The following UBTF variants were observed in gnomAD, a reference collection of about 807,000 sequenced individuals.
UBTF encodes nucleolar transcription factor 1.
Under a neutral mutation model 112.3 loss-of-function variants are expected in UBTF, and 8 were observed. The observed-to-expected ratio is 0.07, with a 90% CI of 0.04 to 0.13. The LOEUF is 0.13. UBTF is among the 10% of genes least tolerant of loss of function. The pLI is 1.00. For synonymous variants in UBTF, 417 were observed against 373.1 expected, an observed-to-expected ratio of 1.12 and a Z score of -1.36; for missense variants, 457 against 982.1, an observed-to-expected ratio of 0.47 and a Z score of 7.15.
At chr17:44,213,475 T>C (rs780282174) in intron 5 of UBTF, 193 bp from the exon 6 acceptor site, 1 of 570,000 alleles carries the variant, frequency 1.8e-6, no homozygotes, top group Non-Finnish European at 3.1e-6. Context: ...CCACAGATGG[T>C]GGGAGCTGCA....
In UBTF at chr17:44,207,848, C is replaced by A; in HGVS notation, c.1953+16G>T. Reference sequence around the variant, plus strand: ...CCCCCACCCCTACCCCACTGCTGCTCTGCTCCCAGACTCACATTGGAGATG... The same window carrying A: ...CCCCCACCCCTACCCCACTGCTGCTATGCTCCCAGACTCACATTGGAGATG... On this transcript the variant is annotated intron_variant, in intron 18 of 20. Transcript: ENST00000436088. 6.2e-7 allele frequency: 1 copy of A among 1,614,150 alleles called. No individual in the cohort carries two copies.
chr17:44,215,884 GCTC>G lies in UBTF; in HGVS notation c.318+19_318+21del, dbSNP rs1399700500. The stretch of plus-strand genomic sequence containing the variant: ...GGACCTTTCCTCCCATACCCCTCAT[GCTC>G]CTCCTCCTAGTAACTCACCTTGAGT... On this transcript the variant is annotated intron_variant, in intron 4 of 20. Coordinates refer to ENST00000436088, the MANE Select transcript of UBTF (RefSeq NM_014233.4). The G allele has an allele frequency of 6.2e-7, 1 of 1,613,812 alleles. No homozygotes were observed. The highest frequency in any genetic ancestry group is 1.7e-5 in the Admixed American group (1 of 60,020).
At position 44,216,270 on chromosome 17, in the gene UBTF, G is replaced by A. The variant is rs141223007; in HGVS notation, c.234+259C>T. On this transcript the variant is annotated intron_variant, in intron 3 of 20. Transcript: ENST00000436088. Reference sequence around the variant, plus strand: ...CATGCTAACACCTCCGTCAATCTCAGCATGCTAGCACCTCCGTCAATCTCA... The same window carrying A: ...CATGCTAACACCTCCGTCAATCTCAACATGCTAGCACCTCCGTCAATCTCA... 33 of 605,062 alleles carry A rather than the reference G, an allele frequency of 5.5e-5. No individual in the cohort carries two copies. In the African/African-American group the frequency reaches 5.8e-4, roughly 11 times the overall value. 37.5% of individuals were successfully genotyped at this position (605,062 alleles called of 1,614,324 possible).
chr17:44,210,001 A>T, intron 15 of UBTF, 123 bp downstream of exon 15: 1 of 1,050,202 alleles, frequency 9.5e-7, no homozygotes, highest in Non-Finnish European at 1.4e-6. Context: ...AGAGGTTCAG[A>T]GAAGGAAGCT....
chr17:44,208,382 G>T (rs1457958165), intron 17 of UBTF, among the ~76,000 whole-genome samples: 2 of 152,214 alleles, frequency 1.3e-5, no homozygotes, highest in Non-Finnish European at 1.5e-5. Flanking sequence ...TAGGATTACA[G>T]GCGTGAGCCA....
chr17:44,207,037 G>T lies in UBTF; in HGVS notation c.*205C>A. On this transcript the variant is annotated 3_prime_UTR_variant, in exon 21 of 21. Transcript: ENST00000436088. ...CTGTCCCTGGAGGAGGACCCCCAAG[G>T]GCTGATGTCTCTGAGGCTGCAGAGT... The T allele has an allele frequency of 1.6e-6, 1 of 616,166 alleles. No individual in the cohort carries two copies. The highest frequency in any genetic ancestry group is 2.8e-6 in the Non-Finnish European group (1 of 356,198). 38.2% of individuals were successfully genotyped at this position (616,166 alleles called of 1,614,324 possible).
rs1299688694 is a variant in UBTF at position 44,211,374 on chromosome 17, C to T, written c.1048-43G>A. ...GTCAGGATCAGTCTGGAGACAGTGT[C>T]ACCACAGACCCTGCAGTACTCGGAG... On this transcript the variant is annotated intron_variant, in intron 10 of 20. Coordinates refer to ENST00000436088, the MANE Select transcript of UBTF (RefSeq NM_014233.4). This position sits in a 1 kb window ranked among gnomAD's most constrained non-coding sequence, Gnocchi z 4.9. 1 of 1,611,842 alleles carries T rather than the reference C, an allele frequency of 6.2e-7. No homozygotes were observed. The highest frequency in any genetic ancestry group is 8.5e-7 in the Non-Finnish European group (1 of 1,178,832).
At chr17:44,208,092 A>AT (rs57107684) in intron 17 of UBTF, among the ~76,000 whole-genome samples, 181 bp from the exon 18 acceptor site, 1,894 of 117,870 alleles carry the variant, frequency 0.016, 97 homozygotes, top group Non-Finnish European at 0.026. Context: ...CACAGCTCTA[A>AT]TTTTTTTTTT....
intron 17 of UBTF, chr17:44,209,095 G>GAT: frequency 7.0e-6 from 2 of 286,984 alleles, no homozygotes; most frequent in South Asian, 7.0e-5. Flanking sequence ...CTTGAACCTG[G>GAT]GAGGTGGAGG....
chr17:44,218,785 C>T (rs1170066321), intron 1 of UBTF, among the ~76,000 whole-genome samples: 1 of 150,318 alleles, frequency 6.7e-6, no homozygotes, highest in African/African-American at 2.4e-5. Context: ...CCGGCGGGGA[C>T]CCGGACGCAG....
In UBTF at chr17:44,212,358, G is replaced by T; in HGVS notation, c.757C>A (p.Arg253=). Reference sequence around the variant, plus strand: ...GGAAGCCTAACCTCGTACTCCTTCCGCTGCTCCAGGGCCTTATGAATCCAT... The same window carrying T: ...GGAAGCCTAACCTCGTACTCCTTCCTCTGCTCCAGGGCCTTATGAATCCAT... ...LKWIHKALEQ[R]KEYEEIMRDY... The change falls in exon 8 of 21, where the codon CGG becomes AGG. Residue 253 remains arginine, a synonymous_variant. Transcript: ENST00000436088. 1 of 1,613,048 alleles carries T rather than the reference G, an allele frequency of 6.2e-7. No individual in the cohort carries two copies. Among genetic ancestry groups the T allele is most frequent in the Non-Finnish European group, 8.5e-7 (1 of 1,179,816 alleles).
In UBTF at chr17:44,207,100, ATT is replaced by A. The variant is rs374363130; in HGVS notation, c.*140_*141del. On this transcript the variant is annotated 3_prime_UTR_variant, in exon 21 of 21. Transcript: ENST00000436088. Reference sequence around the variant, plus strand: ...TCCTCCAGCCCCCTACCCCCACCGTATTTTTTTTTTTTTTTAAAGAAAGAAAG... The same window carrying A: ...TCCTCCAGCCCCCTACCCCCACCGTATTTTTTTTTTTTTAAAGAAAGAAAG... 5,389 of 786,330 alleles carry A rather than the reference ATT, an allele frequency of 6.9e-3. No homozygotes were observed. Among genetic ancestry groups the A allele is most frequent in the Middle Eastern group, 8.0e-3 (21 of 2,616 alleles). The allele number at this position is 786,330 out of a possible 1,614,324, so 48.7% of individuals were successfully genotyped here.
chr17:44,216,753 C>T lies in UBTF; in HGVS notation c.59-49G>A, dbSNP rs780094682. 5.2e-5 allele frequency: 83 copies of T among 1,588,082 alleles called. 1 individual carries two copies. The highest frequency in any genetic ancestry group is 1.7e-5 in the Admixed American group (1 of 59,934). ...TCATGCCTGGCTCATGCTATCCCCC[C>T]GATCTGTTCCCCAGTTCTTGAGTGC... is the stretch of plus-strand genomic sequence containing the variant. On this transcript the variant is annotated intron_variant, in intron 2 of 20. Transcript: ENST00000436088.
In UBTF at chr17:44,215,821, G is replaced by T. The variant is rs765119139; in HGVS notation, c.319-12C>A. 6.2e-7 allele frequency: 1 copy of T among 1,614,076 alleles called. No homozygotes were observed. Among genetic ancestry groups the T allele is most frequent in the East Asian group, 2.2e-5 (1 of 44,882 alleles). ...AAGTCTGGGTGTTTCTGGAAGAAGG[G>T]ACAAGGACACAATGGAGGTCAAATA... On this transcript the variant is annotated splice_polypyrimidine_tract_variant and intron_variant, in intron 4 of 20. Transcript: ENST00000436088.
Position 44,212,138 on chromosome 17 carries a change from G to A in UBTF, c.772-132C>T, listed in dbSNP as rs554232937. 13 of 813,342 alleles carry A rather than the reference G, an allele frequency of 1.6e-5. No individual in the cohort carries two copies. In the East Asian group the frequency reaches 2.2e-4, roughly 14 times the overall value. 50.4% of individuals were successfully genotyped at this position (813,342 alleles called of 1,614,324 possible). On this transcript the variant is annotated intron_variant, in intron 8 of 20. Transcript: ENST00000436088. The stretch of plus-strand genomic sequence containing the variant: ...TGGCTGCGCGTCAGTGGTGTCACAC[G>A]AGACGTGGTGCCCTGCCCTGCCCTA...
chr17:44,220,900 G>GCGCTCCGCCCGCCC (rs976923274), upstream of UBTF: 4 of 150,596 alleles, frequency 2.7e-5, no homozygotes, highest in South Asian at 1.8e-4. Flanking sequence ...CCCACGCGCC[G>GCGCTCCGCCCGCCC]CGCTCCGCCC....
Position 44,218,207 on chromosome 17 carries a change from G to A in UBTF, c.23C>T (p.Pro8Leu), listed in dbSNP as rs143174266. ...GGGGGCGGCCATTTCCAGGTCTGTG[G>A]GGCAGTCGGCTTCTCCGTTCATCCT... Reference protein sequence around the residue: MNGEADCPTDLEMAAPKG... With the variant: MNGEADCLTDLEMAAPKG... Residue 8 changes from proline to leucine, a missense_variant, in exon 2 of 21, where the codon CCC becomes CTC. Around this residue, in one of 7 missense-constraint regions of UBTF, gnomAD observed 20 missense variants for 29.1 expected, o/e 0.69. Coordinates refer to ENST00000436088, the MANE Select transcript of UBTF (RefSeq NM_014233.4). 6.2e-6 allele frequency: 10 copies of A among 1,612,272 alleles called. No homozygotes were observed. Among genetic ancestry groups the A allele is most frequent in the African/African-American group, 1.3e-5 (1 of 74,808 alleles).
chr17:44,215,705 G>A lies in UBTF; in HGVS notation c.423C>T (p.Asp141=). 6 of 1,614,034 alleles carry A rather than the reference G, an allele frequency of 3.7e-6. No homozygotes were observed. The highest frequency in any genetic ancestry group is 5.1e-6 in the Non-Finnish European group (6 of 1,180,004). ...AKLHPEMSNL[D]LTKILSKKYK... Reference sequence around the variant, plus strand: ...ATTTCTTGGACAGAATCTTGGTTAGGTCCAGGTTGCTCATCTCAGGGTGGA... The same window carrying A: ...ATTTCTTGGACAGAATCTTGGTTAGATCCAGGTTGCTCATCTCAGGGTGGA... The change falls in exon 5 of 21, where the codon GAC becomes GAT. Residue 141 remains aspartate, a synonymous_variant. Transcript: ENST00000436088.
upstream of UBTF, among the ~76,000 whole-genome samples, chr17:44,220,252 G>A (rs1427198908): frequency 6.6e-6 from 1 of 151,898 alleles, no homozygotes; most frequent in East Asian, 2.0e-4. Flanking sequence ...GAGGGTGCCC[G>A]GAGGTGCCCC....
Sources: allele counts gnomAD v4.1 joint callset (sites outside exome capture counted in the v4.1 genomes callset), GRCh38; gene constraint gnomAD v4.1.1; regional missense constraint gnomAD v4.1.1; non-coding constraint Gnocchi (gnomAD v3.1); transcripts MANE v1.5; gene names NCBI Gene and HGNC (gene_info 2026-07-23, HGNC 2026-07-21).